HELQ: variants seen among roughly 807,000 people sequenced by gnomAD.
HELQ encodes the protein helicase POLQ-like.
In HELQ, 77 loss-of-function variants were observed where a neutral mutation model predicts 111.6. The observed-to-expected ratio is 0.69, with a 90% CI of 0.57 to 0.83. The LOEUF (loss-of-function observed/expected upper bound fraction) is 0.83, where lower values mean the gene tolerates loss of function less well. Among genes scored for constraint, HELQ ranks in the 40% least tolerant of loss-of-function variants. The pLI is 0.00. For synonymous variants in HELQ, 438 were observed against 454.7 expected (o/e 0.96, Z 0.47); for missense variants, 1,200 against 1,288.5 (o/e 0.93, Z 1.05).
chr4:83,416,830 T>C lies in HELQ; in HGVS notation c.3099A>G (p.Lys1033=). ...RAKQLYSAGY[K]SLMHLANANP... ...TTGCATTAGCTAAGTGCATTAGACT[T>C]TTGTAACCTGCACTGTATAACTGTT... The change falls in exon 17 of 18, where the codon AAA becomes AAG. Residue 1033 remains lysine (K), a synonymous_variant. Transcript: ENST00000295488. The C allele has an allele frequency of 6.2e-7, 1 of 1,613,784 alleles. No individual in the cohort carries two copies. The highest frequency in any genetic ancestry group is 8.5e-7 in the Non-Finnish European group (1 of 1,179,762).
rs994411797 is a variant in HELQ at position 83,431,682 on chromosome 4, G to C, written c.2277C>G (p.Leu759=). ...EFTKGIQTLF[L]SLIGLKIATN... is the part of the protein sequence containing the mutation. ...AAAATACCTTCAAACCAATCAAAGA[G>C]AGAAATAATGTTTGGATTCCCTTGG... Residue 759 remains leucine, a synonymous_variant, in exon 11 of 18, where the codon CTC becomes CTG. Transcript: ENST00000295488. 12 of 1,545,120 alleles carry C rather than the reference G, an allele frequency of 7.8e-6. No individual in the cohort carries two copies. Among genetic ancestry groups the C allele is most frequent in the Middle Eastern group, 1.7e-4 (1 of 5,864 alleles).
At position 83,455,451 on chromosome 4, in the gene HELQ, A is replaced by G; in HGVS notation, c.243T>C (p.Asp81=). The G allele has an allele frequency of 6.2e-7, 1 of 1,614,148 alleles. No individual in the cohort carries two copies. Among genetic ancestry groups the G allele is most frequent in the South Asian group, 1.1e-5 (1 of 91,084 alleles). The change falls in exon 1 of 18, where the codon GAT becomes GAC. Residue 81 remains aspartate (D), a synonymous_variant. Coordinates refer to ENST00000295488, the MANE Select transcript of HELQ (RefSeq NM_133636.5). ...TGTGACGTAGGAGGTCCGGGTTTGT[A>G]TCACCACCTCCAAGGACGAGACATT... The part of the protein sequence containing the change: ...SPECLVLGGG[D]TNPDLLRHMP...
At chr4:83,439,052 T>C (rs947598667) in intron 8 of HELQ, among the ~76,000 whole-genome samples, 1 of 152,100 alleles carries the variant, frequency 6.6e-6, no homozygotes, top group Non-Finnish European at 1.5e-5. Context: ...CATATAGTCT[T>C]AGGGTTTTGT....
intron 9 of HELQ, among the ~76,000 whole-genome samples, chr4:83,436,505 T>G (rs569104728): frequency 3.3e-5 from 5 of 152,242 alleles, no homozygotes; most frequent in African/African-American, 1.2e-4. Flanking sequence ...CTCCAAGATT[T>G]CAAGGAAATC....
At chr4:83,445,175 T>G (rs562564049) in intron 5 of HELQ, among the ~76,000 whole-genome samples, 2 of 152,008 alleles carry the variant, frequency 1.3e-5, no homozygotes, top group South Asian at 2.1e-4. Context: ...AGGAAATGAG[T>G]TTGGCTCAGA....
chr4:83,414,602 G>A (rs573704225), intron 17 of HELQ, among the ~76,000 whole-genome samples: 1 of 152,116 alleles, frequency 6.6e-6, no homozygotes, highest in Non-Finnish European at 1.5e-5. Context: ...GGCCATTTGA[G>A]CACCAAAATA....
At chr4:83,447,096 C>T (rs1578101251) in intron 3 of HELQ, 61 bp from the exon 4 acceptor site, 3 of 275,682 alleles carry the variant, frequency 1.1e-5, no homozygotes, top group African/African-American at 1.0e-4. Flanking sequence ...GCCTGTAATC[C>T]CAGTACCTTG....
chr4:83,444,952 CAGA>C (rs1720973037), intron 5 of HELQ, among the ~76,000 whole-genome samples: 1 of 152,256 alleles, frequency 6.6e-6, no homozygotes, highest in Non-Finnish European at 1.5e-5. Flanking sequence ...AGTGGGTACA[CAGA>C]AGAACTTGGT....
In HELQ at chr4:83,439,916, A is replaced by G. The variant is rs747048626; in HGVS notation, c.1755T>C (p.Pro585=). Residue 585 remains proline, a synonymous_variant, in exon 8 of 18, where the codon CCT becomes CCC. Transcript: ENST00000295488. ...CTACATTTTCACAGTTCTTCTTACT[A>G]GGACAAAAAACTAAGCAGGAATAAT... The part of the protein sequence containing the change: ...IPNYSCLVFC[P]SKKNCENVAE... 1 of 1,607,430 alleles carries G rather than the reference A, an allele frequency of 6.2e-7. No homozygotes were observed. Among genetic ancestry groups the G allele is most frequent in the South Asian group, 1.1e-5 (1 of 90,688 alleles).
At chr4:83,431,614 C>G in intron 11 of HELQ, 50 bp downstream of exon 11, 2 of 845,100 alleles carry the variant, frequency 2.4e-6, no homozygotes, top group Non-Finnish European at 3.7e-6. Context: ...ACTTTTTAAC[C>G]TCTATTGTCT....
At position 83,441,227 on chromosome 4, in the gene HELQ, A is replaced by C. The variant is rs570989006; in HGVS notation, c.1662+78T>G. The C allele has an allele frequency of 1.3e-4, 99 of 785,494 alleles. 3 individuals carry two copies. Among genetic ancestry groups the C allele is most frequent in the South Asian group, 1.0e-3 (67 of 65,206 alleles). The allele number at this position is 785,494 out of a possible 1,614,324, so 48.7% of individuals were successfully genotyped here. ...TTCTCTGAAAAATCTAGACTATTCT[A>C]CGGAATCCATTGGAAACTCTTGTTG... On this transcript the variant is annotated intron_variant, in intron 7 of 17. Coordinates refer to ENST00000295488, the MANE Select transcript of HELQ (RefSeq NM_133636.5).
At chr4:83,454,519 C>T (rs1006349138) in intron 1 of HELQ, among the ~76,000 whole-genome samples, 1 of 152,004 alleles carries the variant, frequency 6.6e-6, no homozygotes, top group African/African-American at 2.4e-5. Context: ...AAGCGATCCT[C>T]CTGCCTCAGC....
chr4:83,455,196 G>A, intron 1 of HELQ: 1 of 1,108,706 alleles, frequency 9.0e-7, no homozygotes, highest in Non-Finnish European at 1.2e-6. Flanking sequence ...TAACTGCTGC[G>A]TGCACAACTT....
intron 3 of HELQ, among the ~76,000 whole-genome samples, chr4:83,447,981 G>A (rs914755306): frequency 7.9e-5 from 12 of 151,550 alleles, no homozygotes; most frequent in Non-Finnish European, 1.5e-4. Context: ...GGGCCGAGGT[G>A]GGAGGATCAC....
At chr4:83,454,280 A>T (rs1437367954) in intron 1 of HELQ, among the ~76,000 whole-genome samples, 1 of 152,198 alleles carries the variant, frequency 6.6e-6, no homozygotes, top group Non-Finnish European at 1.5e-5. Flanking sequence ...ATATAATTAT[A>T]TGGTCACATA....
chr4:83,446,766 C>G, intron 4 of HELQ, 69 bp downstream of exon 4: 1 of 966,850 alleles, frequency 1.0e-6, no homozygotes. Context: ...AGTAGATCCA[C>G]ACAATAACCA....
intron 3 of HELQ, 114 bp downstream of exon 3, chr4:83,448,669 C>CAA (rs34960937): frequency 0.032 from 21,228 of 666,776 alleles, 18 homozygotes; most frequent in East Asian, 0.052. Flanking sequence ...GACTCCATCT[C>CAA]AAAAAAAAAA....
At chr4:83,434,021 C>T (rs977141578) in intron 9 of HELQ, among the ~76,000 whole-genome samples, 2 of 145,828 alleles carry the variant, frequency 1.4e-5, no homozygotes, top group Non-Finnish European at 3.0e-5. Flanking sequence ...AAGGAAAGAA[C>T]AACAAAAGAG....
chr4:83,452,195 G>C (rs1460611074), intron 2 of HELQ, among the ~76,000 whole-genome samples: 5 of 152,122 alleles, frequency 3.3e-5, no homozygotes, highest in African/African-American at 1.2e-4. Flanking sequence ...GAATGGCTTT[G>C]AATGTGGCCC....
Sources: allele counts gnomAD v4.1 joint callset (sites outside exome capture counted in the v4.1 genomes callset), GRCh38; gene constraint gnomAD v4.1.1; transcripts MANE v1.5; gene names NCBI Gene and HGNC (gene_info 2026-07-23, HGNC 2026-07-21).